POLR2B: variants seen among roughly 807,000 people sequenced by gnomAD.
POLR2B encodes the protein RNA polymerase II subunit B.
Under a neutral mutation model 144.6 loss-of-function variants are expected in POLR2B, and 57 were observed. The ratio of observed to expected loss-of-function variants is 0.39; its 90% CI spans 0.32 to 0.49. The LOEUF (loss-of-function observed/expected upper bound fraction) is 0.49, where lower values mean the gene tolerates loss of function less well. Ranked by LOEUF, POLR2B falls within the 20% of genes least tolerant of loss-of-function variation. POLR2B has a pLI of 0.83. For missense variants in POLR2B, 595 were observed against 1,467.4 expected, an observed-to-expected ratio of 0.41 and a Z score of 9.71; for synonymous variants, 442 against 469.8, an observed-to-expected ratio of 0.94 and a Z score of 0.77.
At chr4:57,030,585 T>G (rs886145319) in intron 24 of POLR2B, among the ~76,000 whole-genome samples, 186 bp downstream of exon 24, 3 of 152,214 alleles carry the variant, frequency 2.0e-5, no homozygotes, top group African/African-American at 7.2e-5. Context: ...CAGTTTAGGT[T>G]TTAGTGTGGT....
At chr4:57,002,309 G>C (rs1392554128) in intron 7 of POLR2B, among the ~76,000 whole-genome samples, 1 of 152,136 alleles carries the variant, frequency 6.6e-6, no homozygotes. Context: ...GATTACAGGC[G>C]TGAACCACCG....
At position 57,022,152 on chromosome 4, in the gene POLR2B, G is replaced by A. The variant is rs1723573525; in HGVS notation, c.2421G>A (p.Arg807=). ...NRSAVDRGFF[R]SVFYRSYKEQ... is the part of the protein sequence containing the mutation. Reference sequence around the variant, plus strand: ...TACCTTTAGAACCATGTGTTTTTAGGTCTGTTTTCTATCGCTCATACAAAG... The same window carrying A: ...TACCTTTAGAACCATGTGTTTTTAGATCTGTTTTCTATCGCTCATACAAAG... The change falls in exon 18 of 25, where the codon AGG becomes AGA. Residue 807 remains arginine (R), a splice_region_variant and synonymous_variant. Coordinates refer to ENST00000314595, the MANE Select transcript of POLR2B (RefSeq NM_000938.3). 6.3e-7 allele frequency: 1 copy of A among 1,588,512 alleles called. No individual in the cohort carries two copies. Among genetic ancestry groups the A allele is most frequent in the African/African-American group, 1.4e-5 (1 of 74,056 alleles).
chr4:57,011,025 A>C lies in POLR2B; in HGVS notation c.1725A>C (p.Gly575=). 2 of 1,614,148 alleles carry C rather than the reference A, an allele frequency of 1.2e-6. No individual in the cohort carries two copies. The highest frequency in any genetic ancestry group is 1.7e-6 in the Non-Finnish European group (2 of 1,179,990). The change falls in exon 13 of 25, where the codon GGA becomes GGC. Residue 575 remains glycine, a synonymous_variant. Coordinates refer to ENST00000314595, the MANE Select transcript of POLR2B (RefSeq NM_000938.3). The part of the protein sequence containing the change: ...TKIFVNGCWV[G]IHKDPEQLMN... ...TTTTTGTTAATGGCTGCTGGGTTGG[A>C]ATACATAAAGATCCCGAACAACTTA...
chr4:56,985,376 C>T (rs1000245610), intron 1 of POLR2B: 38 of 985,180 alleles, frequency 3.9e-5, no homozygotes, highest in Middle Eastern at 5.2e-4. Flanking sequence ...CCGCGAGGGA[C>T]GGGCGGCGGG....
At position 57,017,649 on chromosome 4, in the gene POLR2B, C is replaced by A; in HGVS notation, c.2244C>A (p.Ala748=). ...TCCATGTTCGCATGGACACATTGGCCCATGTTCTCTATTATCCTCAAAAGC... is the reference window on the plus strand; with the variant it reads ...TCCATGTTCGCATGGACACATTGGCACATGTTCTCTATTATCCTCAAAAGC... ...TNFHVRMDTL[A]HVLYYPQKPL... Residue 748 remains alanine (A), a synonymous_variant, in exon 16 of 25, where the codon GCC becomes GCA. Transcript: ENST00000314595. This position sits in a 1 kb window ranked among gnomAD's most constrained non-coding sequence, Gnocchi z 4.8. 1 of 1,613,472 alleles carries A rather than the reference C, an allele frequency of 6.2e-7. No homozygotes were observed. The highest frequency in any genetic ancestry group is 8.5e-7 in the Non-Finnish European group (1 of 1,179,482).
intron 23 of POLR2B, 41 bp downstream of exon 23, chr4:57,025,578 T>C (rs752212091): frequency 1.7e-5 from 23 of 1,381,196 alleles, no homozygotes; most frequent in Non-Finnish European, 4.1e-6. Context: ...ATTAACCTTA[T>C]ATTATGAAAA....
chr4:57,004,249 C>T (rs1455172767), intron 7 of POLR2B, among the ~76,000 whole-genome samples: 3 of 150,178 alleles, frequency 2.0e-5, no homozygotes, highest in Non-Finnish European at 4.4e-5. Context: ...CTGGTCTTCA[C>T]TACGTTGGCC....
chr4:56,992,641 G>A (rs1475680180), intron 3 of POLR2B, among the ~76,000 whole-genome samples: 1 of 148,832 alleles, frequency 6.7e-6, no homozygotes, highest in Non-Finnish European at 1.5e-5. Flanking sequence ...CTCACTGCAG[G>A]CTCCGCCTTC....
In POLR2B at chr4:57,011,278, C is replaced by G. The variant is rs184024776; in HGVS notation, c.1800+178C>G. On this transcript the variant is annotated intron_variant, in intron 13 of 24. Coordinates refer to ENST00000314595, the MANE Select transcript of POLR2B (RefSeq NM_000938.3). ...GGTGCAGTGGCTCATGCCTGTAATC[C>G]CAGCACTTTGGGAGGCCGAGGCGCA... Among the ~76,000 whole-genome samples the G allele has an allele frequency of 2.6e-3, 402 of 152,334 alleles. 1 individual carries two copies. The highest frequency in any genetic ancestry group is 9.4e-3 in the African/African-American group (390 of 41,580).
At chr4:56,987,988 G>A (rs901037895) in intron 2 of POLR2B, among the ~76,000 whole-genome samples, 2 of 151,928 alleles carry the variant, frequency 1.3e-5, no homozygotes, top group Admixed American at 1.3e-4. Context: ...CTACCTGGGA[G>A]GCTGAGGCAG....
At position 57,015,503 on chromosome 4, in the gene POLR2B, T is replaced by G; in HGVS notation, c.1802T>G (p.Val601Gly). Reference protein sequence around the residue: ...RRQMDIIVSEVSMIRDIRERE... With the variant: ...RRQMDIIVSEGSMIRDIRERE... ...ACTGTTTTTTCTTTTTATATGTAGG[T>G]TTCTATGATCAGAGATATTCGAGAG... Residue 601 changes from valine to glycine, a missense_variant and splice_region_variant, in exon 14 of 25, where the codon GTT becomes GGT. Physicochemically the swap from Val to Gly is moderately radical, Grantham distance 109. Around this residue, in one of 9 missense-constraint regions of POLR2B, gnomAD observed 29 missense variants for 69.3 expected, o/e 0.42. Coordinates refer to ENST00000314595, the MANE Select transcript of POLR2B (RefSeq NM_000938.3). 7.3e-7 allele frequency: 1 copy of G among 1,362,276 alleles called. No homozygotes were observed. The highest frequency in any genetic ancestry group is 9.6e-7 in the Non-Finnish European group (1 of 1,038,498). The allele number at this position is 1,362,276 out of a possible 1,614,324, so 84.4% of individuals were successfully genotyped here. A position where few individuals can be genotyped will look rare whatever the true frequency, so the allele number is the denominator to read the frequency against.
intron 2 of POLR2B, among the ~76,000 whole-genome samples, chr4:56,988,320 A>T (rs1277285): frequency 4.6e-5 from 7 of 151,880 alleles, no homozygotes; most frequent in South Asian, 2.1e-4. Flanking sequence ...GCTTTAAAAT[A>T]GAAGGCTGTG....
chr4:56,986,963 T>G (rs527376885), intron 2 of POLR2B, among the ~76,000 whole-genome samples: 1 of 152,220 alleles, frequency 6.6e-6, no homozygotes, highest in African/African-American at 2.4e-5. Flanking sequence ...GGATCACATA[T>G]TGCATTTACT....
At chr4:57,022,092 T>C in intron 17 of POLR2B, 60 bp from the exon 18 acceptor site, 1 of 914,822 alleles carries the variant, frequency 1.1e-6, no homozygotes, top group Non-Finnish European at 1.7e-6. Flanking sequence ...ATTGTTGGTA[T>C]AGTCTCAGCC....
In POLR2B at chr4:57,025,457, T is replaced by C. The variant is rs1245815111; in HGVS notation, c.3159T>C (p.His1053=). ...IGPTYYQRLK[H]MVDDKIHSRA... is the part of the protein sequence containing the mutation. ...CCACTTATTACCAGCGTTTGAAGCA[T>C]ATGGTGGATGATAAGATTCACTCTC... The change falls in exon 23 of 25, where the codon CAT becomes CAC. Residue 1053 remains histidine, a synonymous_variant. Transcript: ENST00000314595. 2.5e-6 allele frequency: 4 copies of C among 1,611,592 alleles called. No homozygotes were observed. The highest frequency in any genetic ancestry group is 1.7e-5 in the Admixed American group (1 of 60,002).
At chr4:57,021,780 G>A (rs1368273160) in intron 17 of POLR2B, among the ~76,000 whole-genome samples, 3 of 152,106 alleles carry the variant, frequency 2.0e-5, no homozygotes, top group East Asian at 1.9e-4. Context: ...GATTACAGGC[G>A]TGAGCCACCA....
intron 6 of POLR2B, among the ~76,000 whole-genome samples, chr4:56,996,506 G>A (rs12512295): frequency 0.028 from 4,283 of 150,852 alleles, 304 homozygotes; most frequent in East Asian, 0.25. Flanking sequence ...GGATGGTCTC[G>A]ATCTCCTGAC....
chr4:56,979,913 A>C lies in POLR2B; in HGVS notation c.19+909A>C, dbSNP rs1460192600. 2.8e-5 allele frequency among the ~76,000 whole-genome samples: 4 copies of C among 141,620 alleles called. No homozygotes were observed. In the East Asian group the frequency reaches 8.7e-4, roughly 31 times the overall value. 92.9% of individuals were successfully genotyped at this position (141,620 alleles called of 152,430 possible). A position where few individuals can be genotyped will look rare whatever the true frequency, so the allele number is the denominator to read the frequency against. ...GACTGTCTCAAAAAAAAAAAAAAAA[A>C]ATTCTTAGTTGAGTCTAGTGTATTT... On this transcript the variant is annotated intron_variant, in intron 1 of 24. Transcript: ENST00000314595.
intron 16 of POLR2B, among the ~76,000 whole-genome samples, chr4:57,020,667 T>C (rs1483152301): frequency 6.6e-6 from 1 of 152,148 alleles, no homozygotes; most frequent in African/African-American, 2.4e-5. Context: ...ACTATAAGAA[T>C]GGATACATTG....
Sources: gnomAD v4.1 joint callset for allele counts (sites outside exome capture counted in the v4.1 genomes callset) on GRCh38, gnomAD v4.1.1 for gene constraint, gnomAD v4.1.1 regional missense constraint, Gnocchi (gnomAD v3.1) non-coding constraint, MANE v1.5 for transcripts, NCBI Gene and HGNC (gene_info 2026-07-23, HGNC 2026-07-21) for gene names.